Variants in SGPP2 observed in about 807,000 individuals in gnomAD.
SGPP2 encodes sphingosine-1-phosphate phosphatase 2, also known as sphingosine 1-phosphate phosphohydrolase 2.
SGPP2 carries 30 observed loss-of-function variants against 33.9 expected under a neutral mutation model. The observed-to-expected ratio is 0.89, with a 90% CI of 0.66 to 1.20. The LOEUF is 1.20. SGPP2 is among the 50% of genes most tolerant of loss of function. SGPP2 has a pLI of 0.00. For missense variants in SGPP2, 458 were observed against 532.1 expected (o/e 0.86, Z 1.37); for synonymous variants, 233 against 225.0 (o/e 1.04, Z -0.32).
At position 222,558,361 on chromosome 2, in the gene SGPP2, C is replaced by T. The variant is rs374984596; in HGVS notation, c.663C>T (p.Gly221=). The change falls in exon 5 of 5, where the codon GGC becomes GGT. Residue 221 remains glycine (G), a synonymous_variant. Transcript: ENST00000321276. ...GMHTVLDVLG[G]VLITALLIVL... The stretch of plus-strand genomic sequence containing the variant: ...CCTTCCCAAAGGATGTGCTGGGTGG[C>T]GTCCTGATCACCGCACTCCTCATCG... 3.3e-5 allele frequency: 53 copies of T among 1,613,898 alleles called. No individual in the cohort carries two copies. The highest frequency in any genetic ancestry group is 5.0e-5 in the Admixed American group (3 of 59,992).
intron 4 of SGPP2, among the ~76,000 whole-genome samples, chr2:222,527,508 G>T (rs1467322693): frequency 6.6e-6 from 1 of 152,198 alleles, no homozygotes; most frequent in Non-Finnish European, 1.5e-5. Context: ...TTCCCATGGG[G>T]TTTGAATATG....
At chr2:222,492,345 G>A (rs538733812) in intron 2 of SGPP2, among the ~76,000 whole-genome samples, 1 of 152,328 alleles carries the variant, frequency 6.6e-6, no homozygotes, top group African/African-American at 2.4e-5. Flanking sequence ...AATCTAGATG[G>A]GTGTTCCCAA....
chr2:222,517,573 G>C (rs936830143), intron 2 of SGPP2, among the ~76,000 whole-genome samples: 4 of 152,138 alleles, frequency 2.6e-5, no homozygotes, highest in Admixed American at 1.3e-4. Context: ...CTGGACACTG[G>C]ACAAGAACCC....
In SGPP2 at chr2:222,559,111, T is replaced by C. The variant is rs1689477104; in HGVS notation, c.*213T>C. ...TCCGTGGTGGTTGGTTGTGCTACAG[T>C]TGAACCCAGGCTAAAGACCATAATC... On this transcript the variant is annotated 3_prime_UTR_variant, in exon 5 of 5. Transcript: ENST00000321276. 1 of 467,254 alleles carries C rather than the reference T, an allele frequency of 2.1e-6. No homozygotes were observed. Among genetic ancestry groups the C allele is most frequent in the Admixed American group, 3.4e-5 (1 of 29,732 alleles). 28.9% of individuals were successfully genotyped at this position (467,254 alleles called of 1,614,324 possible).
chr2:222,524,506 CGGA>C (rs1559169541), intron 3 of SGPP2, among the ~76,000 whole-genome samples: 2 of 152,224 alleles, frequency 1.3e-5, no homozygotes, highest in African/African-American at 4.8e-5. Context: ...CCTCCTTCTA[CGGA>C]GGAGGAGAAG....
Position 222,486,750 on chromosome 2 carries a change from C to T in SGPP2, c.378+12024C>T, listed in dbSNP as rs374758145. On this transcript the variant is annotated intron_variant, in intron 2 of 4. Transcript: ENST00000321276. Reference sequence around the variant, plus strand: ...TGGCCAGAGGTGTAGAGCCTAGATTCGAACCAGTAACTCTCTGATTCCAGA... The same window carrying T: ...TGGCCAGAGGTGTAGAGCCTAGATTTGAACCAGTAACTCTCTGATTCCAGA... Among the ~76,000 whole-genome samples, 8 of 152,074 alleles carry T rather than the reference C, an allele frequency of 5.3e-5. 1 individual carries two copies. Among genetic ancestry groups the T allele is most frequent in the East Asian group, 1.9e-4 (1 of 5,188 alleles).
At chr2:222,474,811 TTTC>T (rs1697905191) in intron 2 of SGPP2, 85 bp downstream of exon 2, 23 of 1,042,644 alleles carry the variant, frequency 2.2e-5, no homozygotes, top group East Asian at 1.4e-4. Flanking sequence ...AAATATGTTC[TTTC>T]TTTTTTTTTT....
intron 1 of SGPP2, among the ~76,000 whole-genome samples, chr2:222,447,455 G>A (rs140289444): frequency 6.6e-6 from 1 of 152,318 alleles, no homozygotes; most frequent in East Asian, 1.9e-4. Flanking sequence ...TGTGTGTTAT[G>A]CTTTGAGAAA....
intron 2 of SGPP2, among the ~76,000 whole-genome samples, chr2:222,490,986 A>G (rs1698188459): frequency 6.6e-6 from 1 of 152,102 alleles, no homozygotes; most frequent in African/African-American, 2.4e-5. Flanking sequence ...AATCTGTAAA[A>G]CATGTAAAAG....
chr2:222,558,675 C>T lies in SGPP2; in HGVS notation c.977C>T (p.Thr326Ile), dbSNP rs1431293149. 1.2e-6 allele frequency: 2 copies of T among 1,614,160 alleles called. No individual in the cohort carries two copies. The highest frequency in any genetic ancestry group is 3.3e-5 in the Admixed American group (2 of 60,024). Reference sequence around the variant, plus strand: ...ACCTACATGTTAGTTTTGGGTCTGACCAAATTTGCAGTGGGAATTGTGTTG... The same window carrying T: ...ACCTACATGTTAGTTTTGGGTCTGATCAAATTTGCAGTGGGAATTGTGTTG... The part of the protein sequence containing the change: ...LTTYMLVLGL[T>I]KFAVGIVLIL... The change falls in exon 5 of 5, where the codon ACC (threonine) becomes ATC (isoleucine). Residue 326 changes from threonine (T) to isoleucine (I), a missense_variant. Transcript: ENST00000321276.
chr2:222,489,126 T>G (rs1698158960), intron 2 of SGPP2, among the ~76,000 whole-genome samples: 1 of 152,194 alleles, frequency 6.6e-6, no homozygotes, highest in African/African-American at 2.4e-5. Context: ...TAATTGAGGA[T>G]CTAGACAAAG....
chr2:222,430,845 A>C lies in SGPP2; in HGVS notation c.219+6024A>C, dbSNP rs138288733. On this transcript the variant is annotated intron_variant, in intron 1 of 4. Coordinates refer to ENST00000321276, the MANE Select transcript of SGPP2 (RefSeq NM_152386.4). ...GTTACATGTTGAGGGTCATTCTGCA[A>C]AATATCTGACCAGTACTCTTCAAAA... Among the ~76,000 whole-genome samples the C allele has an allele frequency of 5.9e-4, 90 of 152,314 alleles. No homozygotes were observed. The East Asian group carries it at 0.017, about 28-fold the overall frequency.
intron 4 of SGPP2, among the ~76,000 whole-genome samples, chr2:222,525,560 C>T (rs985902962): frequency 6.6e-6 from 1 of 152,160 alleles, no homozygotes; most frequent in Non-Finnish European, 1.5e-5. Flanking sequence ...AAAGGTCCAT[C>T]CACCCTTTTA....
intron 4 of SGPP2, among the ~76,000 whole-genome samples, chr2:222,533,401 G>T (rs984777555): frequency 6.6e-6 from 1 of 152,194 alleles, no homozygotes; most frequent in African/African-American, 2.4e-5. Context: ...AGGGGGACAG[G>T]TCGCAGAGCA....
At chr2:222,433,678 T>C (rs1354877399) in intron 1 of SGPP2, among the ~76,000 whole-genome samples, 1 of 119,198 alleles carries the variant, frequency 8.4e-6, no homozygotes, top group East Asian at 2.4e-4. Context: ...CTGTGTCTTC[T>C]TGTAGCTTGA....
chr2:222,485,891 G>A (rs147820200), intron 2 of SGPP2, among the ~76,000 whole-genome samples: 393 of 152,346 alleles, frequency 2.6e-3, no homozygotes, highest in African/African-American at 8.6e-3. Context: ...AGAGGCCACC[G>A]TTTATTTTGG....
intron 4 of SGPP2, among the ~76,000 whole-genome samples, chr2:222,544,897 G>A (rs1689158218): frequency 6.6e-6 from 1 of 152,100 alleles, no homozygotes; most frequent in African/African-American, 2.4e-5. Context: ...GCTCTGAAAT[G>A]CACTTTTAAT....
At chr2:222,430,221 A>C (rs1697132079) in intron 1 of SGPP2, among the ~76,000 whole-genome samples, 1 of 152,192 alleles carries the variant, frequency 6.6e-6, no homozygotes, top group Admixed American at 6.5e-5. Flanking sequence ...AAACAGGCAA[A>C]AATGGGAGAA....
intron 2 of SGPP2, among the ~76,000 whole-genome samples, chr2:222,514,009 G>A (rs1027052706): frequency 6.6e-6 from 1 of 151,960 alleles, no homozygotes; most frequent in African/African-American, 2.4e-5. Context: ...TAAAATAATA[G>A]CACCTCCTGT....
Sources: gnomAD v4.1 joint callset for allele counts (sites outside exome capture counted in the v4.1 genomes callset) on GRCh38, gnomAD v4.1.1 for gene constraint, MANE v1.5 for transcripts, NCBI Gene and HGNC (gene_info 2026-07-23, HGNC 2026-07-21) for gene names.